The following TCF7 variants were observed in gnomAD, a reference collection of about 807,000 sequenced individuals.
The protein encoded by TCF7 is transcription factor 7.
TCF7 carries 19 observed loss-of-function variants against 46.8 expected under a neutral mutation model. That is an observed-to-expected ratio of 0.41 (90% CI 0.28 to 0.60). The LOEUF is 0.60. Ranked by LOEUF, TCF7 falls within the 20% of genes least tolerant of loss-of-function variation. The pLI, the probability that TCF7 is intolerant of heterozygous loss-of-function variation, is 0.35. For missense variants in TCF7, 547 were observed against 504.6 expected, an observed-to-expected ratio of 1.08 and a Z score of -0.81; for synonymous variants, 245 against 213.4, an observed-to-expected ratio of 1.15 and a Z score of -1.29.
upstream of TCF7, among the ~76,000 whole-genome samples, chr5:134,110,562 G>A (rs967160475): frequency 6.6e-6 from 1 of 152,234 alleles, no homozygotes; most frequent in Non-Finnish European, 1.5e-5. Flanking sequence ...ACAAACCACA[G>A]TCTACCTCTA....
chr5:134,115,954 T>C lies in TCF7; in HGVS notation c.362T>C (p.Val121Ala). The C allele has an allele frequency of 1.2e-6, 2 of 1,614,008 alleles. No homozygotes were observed. The highest frequency in any genetic ancestry group is 1.7e-6 in the Non-Finnish European group (2 of 1,180,024). Residue 121 changes from valine to alanine, a missense_variant, in exon 3 of 10, where the codon GTC (valine) becomes GCC (alanine). Physicochemically the swap from Val to Ala is moderately conservative, Grantham distance 64. Transcript: ENST00000342854. ...ECTSGMYKET[V>A]YSAFNLLMHY... ...ACCAGCGGCATGTACAAAGAGACCG[T>C]CTACTCCGCCTTCAATCTGCTCATG...
At chr5:134,115,831 T>C (rs1755735754) in intron 2 of TCF7, 78 bp from the exon 3 acceptor site, 2 of 1,595,934 alleles carry the variant, frequency 1.3e-6, no homozygotes, top group Non-Finnish European at 1.7e-6. Context: ...GGCAATTCTT[T>C]TTCTCTCAAG....
chr5:134,109,707 T>C, upstream of TCF7, among the ~76,000 whole-genome samples: 1 of 150,394 alleles, frequency 6.6e-6, no homozygotes, highest in East Asian at 1.9e-4. Context: ...GAGGCAGAGG[T>C]TGCAGTGAGC....
upstream of TCF7, among the ~76,000 whole-genome samples, chr5:134,110,973 G>A (rs142560951): frequency 1.3e-5 from 2 of 152,310 alleles, no homozygotes; most frequent in Non-Finnish European, 2.9e-5. Flanking sequence ...AACAACTTCC[G>A]AAAAATATCT....
chr5:134,146,448 C>CTGTGGGGG lies in TCF7; in HGVS notation c.*145_*146insTGTGGGGG. 1 of 902,710 alleles carries CTGTGGGGG rather than the reference C, an allele frequency of 1.1e-6. No individual in the cohort carries two copies. The highest frequency in any genetic ancestry group is 1.8e-6 in the Non-Finnish European group (1 of 543,292). 55.9% of individuals were successfully genotyped at this position (902,710 alleles called of 1,614,324 possible). The stretch of plus-strand genomic sequence containing the variant: ...GCTCTCAGCCTCCCAACCCCAGGGC[C>CTGTGGGGG]CCCACAGGCCCCCCGCAGCACCCTG... On this transcript the variant is annotated 3_prime_UTR_variant, in exon 10 of 10. Coordinates refer to ENST00000342854, the MANE Select transcript of TCF7 (RefSeq NM_003202.5).
Position 134,146,726 on chromosome 5 carries a change from G to GC in TCF7, c.*423_*424insC. On this transcript the variant is annotated 3_prime_UTR_variant, in exon 10 of 10. Coordinates refer to ENST00000342854, the MANE Select transcript of TCF7 (RefSeq NM_003202.5). ...TGGTGGGAATCAGATCTGTCTTGAT[G>GC]TGTCATCTAATTAAGGGAATCCCTT... 5.0e-6 allele frequency: 3 copies of GC among 597,528 alleles called. No homozygotes were observed. The highest frequency in any genetic ancestry group is 3.0e-5 in the Admixed American group (1 of 32,866). 37.0% of individuals were successfully genotyped at this position (597,528 alleles called of 1,614,324 possible). A position where few individuals can be genotyped will look rare whatever the true frequency, so the allele number is the denominator to read the frequency against.
upstream of TCF7, among the ~76,000 whole-genome samples, chr5:134,109,945 T>C (rs1465262641): frequency 6.6e-6 from 1 of 152,154 alleles, no homozygotes; most frequent in Admixed American, 6.5e-5. Context: ...CCCGGCAGCC[T>C]AGGACCTGGC....
At chr5:134,115,751 C>G in intron 2 of TCF7, 158 bp from the exon 3 acceptor site, 2 of 1,459,704 alleles carry the variant, frequency 1.4e-6, no homozygotes, top group Non-Finnish European at 1.8e-6. Context: ...AGGTCCTTCC[C>G]CTAAAACTTG....
chr5:134,111,784 A>G (rs556380731), upstream of TCF7, among the ~76,000 whole-genome samples: 3 of 152,334 alleles, frequency 2.0e-5, no homozygotes, highest in Admixed American at 2.0e-4. Context: ...TTATAATGGA[A>G]CACTAGAGTG....
Position 134,147,206 on chromosome 5 carries a change from G to A in TCF7, c.*903G>A, listed in dbSNP as rs1760811026. On this transcript the variant is annotated 3_prime_UTR_variant, in exon 10 of 10. Coordinates refer to ENST00000342854, the MANE Select transcript of TCF7 (RefSeq NM_003202.5). ...TATCAGGCAAATTGGGGAGGGGAGG[G>A]TGTATCTAGCTCTAGTTCAAATTAT... is the stretch of plus-strand genomic sequence containing the variant. The A allele has an allele frequency of 6.6e-6, 1 of 152,274 alleles. No individual in the cohort carries two copies. The highest frequency in any genetic ancestry group is 6.5e-5 in the Admixed American group (1 of 15,274). 9.4% of individuals were successfully genotyped at this position (152,274 alleles called of 1,614,324 possible). A position where few individuals can be genotyped will look rare whatever the true frequency, so the allele number is the denominator to read the frequency against.
chr5:134,110,835 A>T (rs1245686978), upstream of TCF7, among the ~76,000 whole-genome samples: 1 of 152,246 alleles, frequency 6.6e-6, no homozygotes, highest in Admixed American at 6.5e-5. Context: ...TGGGCCTTTC[A>T]TGTTAAAGGA....
chr5:134,120,392 G>C (rs548240994), intron 3 of TCF7, among the ~76,000 whole-genome samples: 1 of 152,072 alleles, frequency 6.6e-6, no homozygotes, highest in Non-Finnish European at 1.5e-5. Flanking sequence ...ATGAGACCCC[G>C]CATCAGCTTC....
At chr5:134,127,623 C>T (rs73790164) in intron 3 of TCF7, among the ~76,000 whole-genome samples, 7,198 of 152,262 alleles carry the variant, frequency 0.047, 480 homozygotes, top group African/African-American at 0.15. Flanking sequence ...TGGGTGCGCC[C>T]GCCCACCTTA....
chr5:134,132,471 G>A (rs1038048090), intron 3 of TCF7, among the ~76,000 whole-genome samples: 1 of 152,236 alleles, frequency 6.6e-6, no homozygotes, highest in Non-Finnish European at 1.5e-5. Context: ...ACTGGGAGGC[G>A]TTCTTGGGAG....
At chr5:134,141,459 A>G (rs1250356024) in intron 5 of TCF7, 1 of 152,368 alleles carries the variant, frequency 6.6e-6, no homozygotes, top group African/African-American at 2.4e-5. Context: ...TGCCCACTGG[A>G]GCTCACAGCC....
intron 3 of TCF7, 189 bp downstream of exon 3, chr5:134,116,222 T>G: frequency 7.7e-7 from 1 of 1,303,490 alleles, no homozygotes; most frequent in Non-Finnish European, 1.0e-6. Flanking sequence ...GGGGCCGCCC[T>G]GGGGCACCCC....
chr5:134,146,556 A>ACCC lies in TCF7; in HGVS notation c.*256_*258dup, dbSNP rs1760737318. On this transcript the variant is annotated 3_prime_UTR_variant, in exon 10 of 10. Transcript: ENST00000342854. Reference sequence around the variant, plus strand: ...GACACCTGGCCGCCTCCAGGAGCCTACCCCCTGAAAGTGACAGAGACCCAG... The same window carrying ACCC: ...GACACCTGGCCGCCTCCAGGAGCCTACCCCCCCCTGAAAGTGACAGAGACCCAG... 2 of 711,454 alleles carry ACCC rather than the reference A, an allele frequency of 2.8e-6. No homozygotes were observed. Among genetic ancestry groups the ACCC allele is most frequent in the Admixed American group, 4.3e-5 (2 of 46,706 alleles). 44.1% of individuals were successfully genotyped at this position (711,454 alleles called of 1,614,324 possible). A position where few individuals can be genotyped will look rare whatever the true frequency, so the allele number is the denominator to read the frequency against.
At chr5:134,135,039 G>A (rs970063854) in intron 3 of TCF7, among the ~76,000 whole-genome samples, 2 of 152,168 alleles carry the variant, frequency 1.3e-5, no homozygotes, top group Non-Finnish European at 2.9e-5. Context: ...CTGCAGCCTC[G>A]ATCTCCAGGG....
chr5:134,128,243 G>A (rs1249799562), intron 3 of TCF7, among the ~76,000 whole-genome samples: 3 of 152,174 alleles, frequency 2.0e-5, no homozygotes, highest in Non-Finnish European at 4.4e-5. Context: ...CTACACCCAG[G>A]TGTGTTTCTG....
Sources: gnomAD v4.1 joint callset for allele counts (sites outside exome capture counted in the v4.1 genomes callset) on GRCh38, gnomAD v4.1.1 for gene constraint, MANE v1.5 for transcripts, NCBI Gene and HGNC (gene_info 2026-07-23, HGNC 2026-07-21) for gene names.